The following UQCRH variants were observed in gnomAD, a reference collection of about 807,000 sequenced individuals.
UQCRH encodes cytochrome b-c1 complex subunit 6, mitochondrial.
In UQCRH, 14 loss-of-function variants were observed where a neutral mutation model predicts 16.3. That is an observed-to-expected ratio of 0.86 (90% CI 0.57 to 1.34). UQCRH has a LOEUF of 1.34. UQCRH is among the 40% of genes most tolerant of loss of function. UQCRH has a pLI of 0.00. For missense variants in UQCRH, 89 were observed against 111.9 expected (o/e 0.80, Z 0.92); for synonymous variants, 41 against 41.9 (o/e 0.98, Z 0.08).
At chr1:46,316,438 G>C in intron 3 of UQCRH, 114 bp from the exon 4 acceptor site, 1 of 1,399,980 alleles carries the variant, frequency 7.1e-7, no homozygotes, top group South Asian at 1.2e-5. Flanking sequence ...GCTTGCCTAT[G>C]TGAGAAGGGG....
intron 3 of UQCRH, among the ~76,000 whole-genome samples, chr1:46,314,630 G>A (rs1211315561): frequency 3.4e-5 from 5 of 145,982 alleles, no homozygotes; most frequent in Admixed American, 1.4e-4. Flanking sequence ...CCAAAGTTGC[G>A]CCATTGCACT....
chr1:46,308,788 C>T (rs1661417418), intron 1 of UQCRH, among the ~76,000 whole-genome samples: 1 of 152,170 alleles, frequency 6.6e-6, no homozygotes. Context: ...CTGCAGTGAG[C>T]TATGACAGAG....
intron 1 of UQCRH, among the ~76,000 whole-genome samples, 180 bp downstream of exon 1, chr1:46,304,000 A>C (rs1661311597): frequency 6.6e-6 from 1 of 152,170 alleles, no homozygotes; most frequent in African/African-American, 2.4e-5. Context: ...CAGATAGATG[A>C]CTAGTTTTTC....
At chr1:46,316,007 C>T (rs1326231187) in intron 3 of UQCRH, among the ~76,000 whole-genome samples, 1 of 152,160 alleles carries the variant, frequency 6.6e-6, no homozygotes, top group East Asian at 1.9e-4. Flanking sequence ...AAGTGCTAAA[C>T]TTTGGTAAGT....
At chr1:46,315,414 CAA>C (rs939638163) in intron 3 of UQCRH, among the ~76,000 whole-genome samples, 2 of 150,842 alleles carry the variant, frequency 1.3e-5, no homozygotes, top group Non-Finnish European at 2.9e-5. Context: ...GCCTGGGCAA[CAA>C]GAGTGAAACT....
chr1:46,305,190 C>T (rs1172476366), intron 1 of UQCRH, among the ~76,000 whole-genome samples: 1 of 150,798 alleles, frequency 6.6e-6, no homozygotes, highest in Admixed American at 6.6e-5. Flanking sequence ...GTGGTGAACG[C>T]CTGTGGTCTC....
chr1:46,314,699 ACT>A (rs1423958691), intron 3 of UQCRH, among the ~76,000 whole-genome samples: 1 of 151,658 alleles, frequency 6.6e-6, no homozygotes, highest in South Asian at 2.1e-4. Flanking sequence ...AAGGAGGGAA[ACT>A]CTGACACGTG....
intron 1 of UQCRH, among the ~76,000 whole-genome samples, chr1:46,308,219 C>T (rs930621849): frequency 1.3e-5 from 2 of 152,074 alleles, no homozygotes; most frequent in Admixed American, 6.6e-5. Context: ...TGGAGACAAC[C>T]GCCTTTGAAA....
intron 3 of UQCRH, among the ~76,000 whole-genome samples, chr1:46,310,592 C>CTACT (rs1661451344): frequency 6.6e-6 from 1 of 152,184 alleles, no homozygotes; most frequent in African/African-American, 2.4e-5. Flanking sequence ...TCCCAAGTAG[C>CTACT]TGGGACTACA....
chr1:46,309,785 G>A, intron 2 of UQCRH: 2 of 1,060,798 alleles, frequency 1.9e-6, no homozygotes, highest in Non-Finnish European at 2.4e-6. Context: ...CTCAGACAAG[G>A]GGATTTGAAG....
intron 3 of UQCRH, among the ~76,000 whole-genome samples, chr1:46,312,815 C>T (rs536659961): frequency 2.0e-5 from 3 of 152,150 alleles, no homozygotes; most frequent in South Asian, 4.1e-4. Context: ...GTGGTTGCTT[C>T]TATTAAAACT....
intron 1 of UQCRH, among the ~76,000 whole-genome samples, chr1:46,304,883 T>C (rs186259641): frequency 1.3e-5 from 2 of 152,338 alleles, no homozygotes; most frequent in Non-Finnish European, 2.9e-5. Context: ...GCGACACAGC[T>C]ACTAGTTGTT....
At chr1:46,313,840 C>CA (rs77691408) in intron 3 of UQCRH, among the ~76,000 whole-genome samples, 293 of 116,026 alleles carry the variant, frequency 2.5e-3, no homozygotes, top group Admixed American at 2.6e-3. Context: ...GACCCTGTCT[C>CA]AAAAAAAAAA....
At chr1:46,310,837 G>A (rs1436328755) in intron 3 of UQCRH, among the ~76,000 whole-genome samples, 1 of 152,042 alleles carries the variant, frequency 6.6e-6, no homozygotes, top group East Asian at 1.9e-4. Context: ...GGAGGCCGAG[G>A]CGGGTGGATC....
At chr1:46,305,298 CAAA>C (rs11444271) in intron 1 of UQCRH, among the ~76,000 whole-genome samples, 7 of 65,004 alleles carry the variant, frequency 1.1e-4, no homozygotes, top group East Asian at 4.5e-4. Context: ...GACCCTGTCT[CAAA>C]AAAAAAAAAA....
chr1:46,306,651 C>T (rs886843633), intron 1 of UQCRH, among the ~76,000 whole-genome samples: 2 of 152,154 alleles, frequency 1.3e-5, no homozygotes, highest in African/African-American at 4.8e-5. Context: ...GGATTACAGA[C>T]ATGAGCCACT....
At chr1:46,304,180 G>A (rs903213063) in intron 1 of UQCRH, among the ~76,000 whole-genome samples, 2 of 152,126 alleles carry the variant, frequency 1.3e-5, no homozygotes, top group Non-Finnish European at 2.9e-5. Flanking sequence ...CCCCAGCTCA[G>A]GTTAGGAATC....
intron 3 of UQCRH, 30 bp downstream of exon 3, chr1:46,310,346 A>G (rs1569689669): frequency 6.2e-7 from 1 of 1,613,768 alleles, no homozygotes; most frequent in Non-Finnish European, 8.5e-7. Context: ...GGAAGGGGAA[A>G]GGTTGCAATG....
At chr1:46,310,832 C>G (rs1186344468) in intron 3 of UQCRH, among the ~76,000 whole-genome samples, 1 of 151,968 alleles carries the variant, frequency 6.6e-6, no homozygotes, top group African/African-American at 2.4e-5. Flanking sequence ...CTTTGGGAGG[C>G]CGAGGCGGGT....
Sources: gnomAD v4.1 joint callset for allele counts (sites outside exome capture counted in the v4.1 genomes callset) on GRCh38, gnomAD v4.1.1 for gene constraint, MANE v1.5 for transcripts, NCBI Gene and HGNC (gene_info 2026-07-23, HGNC 2026-07-21) for gene names.